RWDD2B: variants seen among roughly 807,000 people sequenced by gnomAD.
RWDD2B encodes the protein RWD domain containing 2B, also known as RWD domain-containing protein 2B.
Under a neutral mutation model 33.6 loss-of-function variants are expected in RWDD2B, and 36 were observed. The observed-to-expected ratio is 1.07, with a 90% CI of 0.82 to 1.42. RWDD2B has a LOEUF of 1.42. Among genes scored for constraint, RWDD2B ranks in the 40% most tolerant of loss-of-function variants. The pLI is 0.00. For missense variants in RWDD2B, 364 were observed against 377.5 expected (o/e 0.96, Z 0.30); for synonymous variants, 126 against 133.1 (o/e 0.95, Z 0.37).
intron 1 of RWDD2B, among the ~76,000 whole-genome samples, chr21:29,016,500 G>A (rs141210589): frequency 6.6e-6 from 1 of 152,168 alleles, no homozygotes; most frequent in Non-Finnish European, 1.5e-5. Context: ...CCGACCTCAG[G>A]TGATTCACCC....
chr21:29,005,271 T>C lies in RWDD2B; in HGVS notation c.*1146A>G, dbSNP rs1219307010. On this transcript the variant is annotated 3_prime_UTR_variant, in exon 5 of 5. Transcript: ENST00000493196. ...AAGCCCTACTAATGCCTCAGCCTTGTCTGAGGCAAGCCCAGGAGCAGGGGC... is the reference window on the plus strand; with the variant it reads ...AAGCCCTACTAATGCCTCAGCCTTGCCTGAGGCAAGCCCAGGAGCAGGGGC... 2 of 152,350 alleles carry C rather than the reference T, an allele frequency of 1.3e-5. No homozygotes were observed. Among genetic ancestry groups the C allele is most frequent in the East Asian group, 3.9e-4 (2 of 5,192 alleles). The allele number at this position is 152,350 out of a possible 1,614,324, so 9.4% of individuals were successfully genotyped here.
At chr21:29,016,208 C>T (rs889533593) in intron 1 of RWDD2B, among the ~76,000 whole-genome samples, 1 of 152,092 alleles carries the variant, frequency 6.6e-6, no homozygotes, top group East Asian at 1.9e-4. Flanking sequence ...GTTGGAACTG[C>T]AAATATTCCT....
chr21:29,007,152 G>C (rs112345105), intron 4 of RWDD2B, among the ~76,000 whole-genome samples: 1 of 152,108 alleles, frequency 6.6e-6, no homozygotes, highest in African/African-American at 2.4e-5. Flanking sequence ...TACTTCACAG[G>C]GTATACAGTT....
At chr21:29,017,866 T>C (rs11909321) in intron 1 of RWDD2B, among the ~76,000 whole-genome samples, 3,167 of 152,058 alleles carry the variant, frequency 0.021, 115 homozygotes, top group African/African-American at 0.072. Flanking sequence ...GGAAGGAGGG[T>C]GCTAGAACAG....
At chr21:29,016,244 T>C (rs1039201031) in intron 1 of RWDD2B, among the ~76,000 whole-genome samples, 13 of 152,130 alleles carry the variant, frequency 8.5e-5, no homozygotes, top group Non-Finnish European at 1.6e-4. Flanking sequence ...AATGTTTTCT[T>C]TTGTTTTTTT....
chr21:29,006,676 C>T, intron 4 of RWDD2B, 25 bp from the exon 5 acceptor site: 1 of 1,403,926 alleles, frequency 7.1e-7, no homozygotes, highest in Non-Finnish European at 9.9e-7. Context: ...CCAAAGTAAA[C>T]ATTTTCAAAA....
chr21:29,014,647 C>A (rs889445171), intron 1 of RWDD2B, among the ~76,000 whole-genome samples: 5 of 152,022 alleles, frequency 3.3e-5, no homozygotes, highest in African/African-American at 1.2e-4. Context: ...TGGTGAAACC[C>A]CATCTCTACT....
intron 1 of RWDD2B, among the ~76,000 whole-genome samples, chr21:29,015,036 T>C (rs186649725): frequency 2.0e-4 from 30 of 152,002 alleles, no homozygotes; most frequent in Admixed American, 1.2e-3. Context: ...CTGGATGCAG[T>C]ATTCTGGCTT....
intron 1 of RWDD2B, among the ~76,000 whole-genome samples, chr21:29,010,842 A>AT (rs1314250135): frequency 2.6e-5 from 4 of 151,644 alleles, no homozygotes; most frequent in East Asian, 2.0e-4. Flanking sequence ...TGGTTTTCGT[A>AT]TTTTTTTGGT....
chr21:29,009,324 A>G (rs1409963270), intron 1 of RWDD2B, among the ~76,000 whole-genome samples: 1 of 151,642 alleles, frequency 6.6e-6, no homozygotes, highest in Non-Finnish European at 1.5e-5. Flanking sequence ...GGCTCAAGCA[A>G]TCCTCCTGCC....
intron 1 of RWDD2B, among the ~76,000 whole-genome samples, chr21:29,014,169 C>A (rs897742771): frequency 6.6e-6 from 1 of 152,070 alleles, no homozygotes; most frequent in African/African-American, 2.4e-5. Flanking sequence ...CATCCCATGG[C>A]GGAAGGCAGA....
rs1260146315 is a variant in RWDD2B, at chr21:29,005,283, C to T, written c.*1134G>A. 6.6e-6 allele frequency: 1 copy of T among 152,146 alleles called. No individual in the cohort carries two copies. Among genetic ancestry groups the T allele is most frequent in the Non-Finnish European group, 1.5e-5 (1 of 68,030 alleles). The allele number at this position is 152,146 out of a possible 1,614,324, so 9.4% of individuals were successfully genotyped here. On this transcript the variant is annotated 3_prime_UTR_variant, in exon 5 of 5. Transcript: ENST00000493196. The stretch of plus-strand genomic sequence containing the variant: ...TGCCTCAGCCTTGTCTGAGGCAAGC[C>T]CAGGAGCAGGGGCAGAGCGTGAGTA...
Position 29,005,782 on chromosome 21 carries a change from A to G in RWDD2B, c.*635T>C, listed in dbSNP as rs910813159. 4.6e-5 allele frequency: 7 copies of G among 152,260 alleles called. No homozygotes were observed. In the East Asian group the frequency reaches 1.3e-3, roughly 29 times the overall value. The allele number at this position is 152,260 out of a possible 1,614,324, so 9.4% of individuals were successfully genotyped here. A position where few individuals can be genotyped will look rare whatever the true frequency, so the allele number is the denominator to read the frequency against. ...AATTAAACAAAACTGGTTTTATTTCATAAGATGTTTAGAGACAGGCAATGG... is the reference window on the plus strand; with the variant it reads ...AATTAAACAAAACTGGTTTTATTTCGTAAGATGTTTAGAGACAGGCAATGG... On this transcript the variant is annotated 3_prime_UTR_variant, in exon 5 of 5. Coordinates refer to ENST00000493196, the MANE Select transcript of RWDD2B (RefSeq NM_016940.3).
Position 29,008,514 on chromosome 21 carries a change from T to C in RWDD2B, c.175A>G (p.Asn59Asp). 1 of 1,614,192 alleles carries C rather than the reference T, an allele frequency of 6.2e-7. No individual in the cohort carries two copies. Among genetic ancestry groups the C allele is most frequent in the Non-Finnish European group, 8.5e-7 (1 of 1,180,010 alleles). ...MFPGENELIV[N>D]DQLAVAELKD... ...AGTTCTGCTACAGCCAGCTGGTCAT[T>C]CACTATGAGCTCATTCTCACCAGGG... The change falls in exon 2 of 5, where the codon AAT (asparagine) becomes GAT (aspartate). Residue 59 changes from asparagine to aspartate, a missense_variant. Transcript: ENST00000493196.
intron 1 of RWDD2B, among the ~76,000 whole-genome samples, chr21:29,013,131 C>T (rs2084872866): frequency 6.6e-6 from 1 of 150,928 alleles, no homozygotes; most frequent in Non-Finnish European, 1.5e-5. Flanking sequence ...GTTGCAGCCT[C>T]GAACTCCTAG....
At position 29,014,773 on chromosome 21, in the gene RWDD2B, A is replaced by AT. The variant is rs1568871670; in HGVS notation, c.67+4437dup. 3.9e-5 allele frequency among the ~76,000 whole-genome samples: 6 copies of AT among 152,360 alleles called. 1 individual carries two copies. The highest frequency in any genetic ancestry group is 1.4e-4 in the African/African-American group (6 of 41,592). ...GAGGCAGAGCTTTCAGTGAGCCGAG[A>AT]TACAGCCACTGCACTCCAGCCTGGG... On this transcript the variant is annotated intron_variant, in intron 1 of 4. Transcript: ENST00000493196.
At chr21:29,012,155 G>A (rs1372463236) in intron 1 of RWDD2B, among the ~76,000 whole-genome samples, 2 of 119,952 alleles carry the variant, frequency 1.7e-5, no homozygotes, top group East Asian at 4.8e-4. Context: ...CGCCCCGTCC[G>A]GGAGGGAGGT....
At chr21:29,011,279 C>A (rs1451435362) in intron 1 of RWDD2B, among the ~76,000 whole-genome samples, 1 of 151,670 alleles carries the variant, frequency 6.6e-6, no homozygotes, top group Non-Finnish European at 1.5e-5. Context: ...CTCTGCCCGG[C>A]CGCCCATCGT....
At chr21:29,011,024 C>A (rs1359940624) in intron 1 of RWDD2B, among the ~76,000 whole-genome samples, 1 of 152,114 alleles carries the variant, frequency 6.6e-6, no homozygotes, top group Non-Finnish European at 1.5e-5. Context: ...GCTACAACCT[C>A]CACCTCCCAG....
Sources: allele counts gnomAD v4.1 joint callset (sites outside exome capture counted in the v4.1 genomes callset), GRCh38; gene constraint gnomAD v4.1.1; transcripts MANE v1.5; gene names NCBI Gene and HGNC (gene_info 2026-07-23, HGNC 2026-07-21).